MAP2K4: variants seen among roughly 807,000 people sequenced by gnomAD.
MAP2K4 encodes the protein mitogen-activated protein kinase kinase 4, also known as dual specificity mitogen-activated protein kinase kinase 4.
In MAP2K4, 4 loss-of-function variants were observed where a neutral mutation model predicts 48.5. That is an observed-to-expected ratio of 0.08 (90% CI 0.04 to 0.19). MAP2K4 has a LOEUF of 0.19. Ranked by LOEUF, MAP2K4 falls within the 10% of genes least tolerant of loss-of-function variation. The pLI is 1.00. For missense variants in MAP2K4, 258 were observed against 493.3 expected (o/e 0.52, Z 4.52); for synonymous variants, 166 against 173.1 (o/e 0.96, Z 0.32).
At chr17:12,120,433 C>T (rs1972648561) in intron 7 of MAP2K4, among the ~76,000 whole-genome samples, 1 of 151,854 alleles carries the variant, frequency 6.6e-6, no homozygotes, top group Admixed American at 6.6e-5. Flanking sequence ...ACACTTCAGC[C>T]TGGGCAACAG....
At chr17:12,129,708 C>A (rs1172178691) in intron 9 of MAP2K4, among the ~76,000 whole-genome samples, 2 of 152,202 alleles carry the variant, frequency 1.3e-5, no homozygotes, top group African/African-American at 4.8e-5. Flanking sequence ...TCTGTTCTGA[C>A]ATAACATAGA....
intron 8 of MAP2K4, among the ~76,000 whole-genome samples, chr17:12,127,931 C>T (rs1972902069): frequency 6.6e-6 from 1 of 152,216 alleles, no homozygotes; most frequent in Non-Finnish European, 1.5e-5. Flanking sequence ...AGTTCTCTCT[C>T]TCTTCCTGTA....
chr17:12,066,040 A>G lies in MAP2K4; in HGVS notation c.218+11049A>G, dbSNP rs910199040. The stretch of plus-strand genomic sequence containing the variant: ...GAGTATCTGTTGCACCACATCAGGT[A>G]TAGTGTACCCCTAAGTAGCTAGAGT... On this transcript the variant is annotated intron_variant, in intron 2 of 10. Coordinates refer to ENST00000353533, the MANE Select transcript of MAP2K4 (RefSeq NM_003010.4). Among the ~76,000 whole-genome samples, 3 of 152,128 alleles carry G rather than the reference A, an allele frequency of 2.0e-5. No homozygotes were observed. The South Asian group carries it at 6.2e-4, about 31-fold the overall frequency.
intron 2 of MAP2K4, among the ~76,000 whole-genome samples, chr17:12,057,907 C>T (rs62060973): frequency 3.8e-4 from 58 of 151,910 alleles, no homozygotes; most frequent in Non-Finnish European, 6.5e-4. Flanking sequence ...TTGATTTCCT[C>T]AAGGATCAGT....
intron 7 of MAP2K4, among the ~76,000 whole-genome samples, chr17:12,119,628 A>G (rs1046807559): frequency 3.3e-5 from 5 of 152,252 alleles, no homozygotes; most frequent in Admixed American, 6.5e-5. Flanking sequence ...CAGCAGTTCC[A>G]TTACTGGAAA....
intron 9 of MAP2K4, among the ~76,000 whole-genome samples, chr17:12,138,127 A>G (rs1417106596): frequency 6.6e-6 from 1 of 152,148 alleles, no homozygotes; most frequent in Non-Finnish European, 1.5e-5. Context: ...AAAGTTTTAG[A>G]CTCAGACACT....
At chr17:12,136,353 C>T (rs371687324) in intron 9 of MAP2K4, among the ~76,000 whole-genome samples, 12 of 152,168 alleles carry the variant, frequency 7.9e-5, no homozygotes, top group Admixed American at 3.9e-4. Flanking sequence ...TATAAAGAAC[C>T]AAATAGAACT....
chr17:12,046,706 CAG>C (rs1283565244), intron 1 of MAP2K4, among the ~76,000 whole-genome samples: 1 of 152,102 alleles, frequency 6.6e-6, no homozygotes, highest in Non-Finnish European at 1.5e-5. Flanking sequence ...TTAGCTGAAT[CAG>C]AGAATGGATG....
At chr17:12,059,289 A>G (rs920795554) in intron 2 of MAP2K4, among the ~76,000 whole-genome samples, 3 of 152,220 alleles carry the variant, frequency 2.0e-5, no homozygotes, top group Non-Finnish European at 4.4e-5. Flanking sequence ...ACTAAACACT[A>G]TAAATCTTTT....
chr17:12,044,022 C>A (rs1188216218), intron 1 of MAP2K4, among the ~76,000 whole-genome samples: 1 of 152,054 alleles, frequency 6.6e-6, no homozygotes, highest in Non-Finnish European at 1.5e-5. Flanking sequence ...TGAGAGTTAC[C>A]AGACTCTTGC....
At chr17:12,060,184 T>A (rs1048880815) in intron 2 of MAP2K4, among the ~76,000 whole-genome samples, 4 of 151,552 alleles carry the variant, frequency 2.6e-5, no homozygotes, top group African/African-American at 7.3e-5. Flanking sequence ...AAAAAAAAAA[T>A]TGTTTTTAAA....
At chr17:12,027,312 C>G (rs187673464) in intron 1 of MAP2K4, among the ~76,000 whole-genome samples, 2 of 152,132 alleles carry the variant, frequency 1.3e-5, no homozygotes, top group African/African-American at 2.4e-5. Flanking sequence ...ACATTGTATG[C>G]AGCTTGGTTC....
chr17:12,091,103 CAGCACCACA>C, intron 3 of MAP2K4, among the ~76,000 whole-genome samples: 1 of 152,202 alleles, frequency 6.6e-6, no homozygotes, highest in Non-Finnish European at 1.5e-5. Flanking sequence ...ACACCTAGAA[CAGCACCACA>C]TTTACATTGT....
At chr17:12,078,902 G>A (rs1322690358) in intron 2 of MAP2K4, among the ~76,000 whole-genome samples, 2 of 152,142 alleles carry the variant, frequency 1.3e-5, no homozygotes, top group Admixed American at 1.3e-4. Flanking sequence ...CTGTGAAATG[G>A]ACTCAGTTTT....
In MAP2K4 at chr17:12,125,311, A is replaced by C. The variant is rs937995093; in HGVS notation, c.831A>C (p.Pro277=). 6.2e-7 allele frequency: 1 copy of C among 1,613,992 alleles called. No homozygotes were observed. ...TGTTCCAGCCTGAAAGAATAGACCC[A>C]AGCGCATCACGACAAGGATATGATG... is the stretch of plus-strand genomic sequence containing the variant. ...RPYMAPERID[P]SASRQGYDVR... Residue 277 remains proline (P), a synonymous_variant, in exon 8 of 11, where the codon CCA becomes CCC. Transcript: ENST00000353533.
Position 12,074,968 on chromosome 17 carries a change from A to C in MAP2K4, c.219-6388A>C, listed in dbSNP as rs373094347. On this transcript the variant is annotated intron_variant, in intron 2 of 10. Transcript: ENST00000353533. ...TCTGTTTTTTTCAGTTGTTTTAGGT[A>C]TGAGGGTAAGTCTGTCTCCTGATAC... Among the ~76,000 whole-genome samples, 46 of 152,076 alleles carry C rather than the reference A, an allele frequency of 3.0e-4. No individual in the cohort carries two copies. In the East Asian group the frequency reaches 8.1e-3, roughly 27 times the overall value.
intron 4 of MAP2K4, among the ~76,000 whole-genome samples, chr17:12,101,532 C>G (rs1971935216): frequency 6.6e-6 from 1 of 151,694 alleles, no homozygotes; most frequent in Non-Finnish European, 1.5e-5. Context: ...CGATTTCTAC[C>G]AAAAAACCCG....
At chr17:12,103,130 C>T (rs978252361) in intron 4 of MAP2K4, among the ~76,000 whole-genome samples, 1 of 151,696 alleles carries the variant, frequency 6.6e-6, no homozygotes, top group Non-Finnish European at 1.5e-5. Flanking sequence ...ACCTTGAACT[C>T]CTGGGCTCAA....
chr17:12,027,091 G>A (rs1471004814), intron 1 of MAP2K4: 2 of 152,156 alleles, frequency 1.3e-5, no homozygotes, highest in East Asian at 3.9e-4. Flanking sequence ...TAGTGGATGT[G>A]GGTTAGCTTC....
Sources: allele counts gnomAD v4.1 joint callset (sites outside exome capture counted in the v4.1 genomes callset), GRCh38; gene constraint gnomAD v4.1.1; transcripts MANE v1.5; gene names NCBI Gene and HGNC (gene_info 2026-07-23, HGNC 2026-07-21).